The following GLIS3 variants were observed in gnomAD, a reference collection of about 807,000 sequenced individuals.
GLIS3 encodes the protein zinc finger protein GLIS3.
Under a neutral mutation model 78.6 loss-of-function variants are expected in GLIS3, and 53 were observed. The observed-to-expected ratio is 0.67, with a 90% confidence interval of 0.54 to 0.85. The LOEUF (loss-of-function observed/expected upper bound fraction) is 0.85, where lower values mean the gene tolerates loss of function less well. GLIS3 is among the 40% of genes least tolerant of loss of function. The pLI, the probability that GLIS3 is intolerant of heterozygous loss-of-function variation, is 0.00. For synonymous variants in GLIS3, 684 were observed against 509.9 expected (o/e 1.34, Z -4.60); for missense variants, 1,703 against 1,231.1 (o/e 1.38, Z -5.74).
At chr9:3,874,282 A>C (rs868186009) in intron 8 of GLIS3, among the ~76,000 whole-genome samples, 1 of 152,204 alleles carries the variant, frequency 6.6e-6, no homozygotes, top group Admixed American at 6.5e-5. Flanking sequence ...ATAAAAATCC[A>C]AAAGGACTGG....
chr9:4,260,199 G>A (rs767309178), intron 2 of GLIS3, among the ~76,000 whole-genome samples: 5 of 152,202 alleles, frequency 3.3e-5, no homozygotes, highest in African/African-American at 7.2e-5. Context: ...TTGGGAGGCC[G>A]AGGCAGGCGG....
At chr9:4,000,551 G>A (rs1821057563) in intron 4 of GLIS3, among the ~76,000 whole-genome samples, 1 of 151,886 alleles carries the variant, frequency 6.6e-6, no homozygotes, top group South Asian at 2.1e-4. Context: ...ATCTACCAGA[G>A]GGTAGAAAAT....
At chr9:3,967,599 A>G (rs1388064013) in intron 4 of GLIS3, among the ~76,000 whole-genome samples, 1 of 152,216 alleles carries the variant, frequency 6.6e-6, no homozygotes, top group Non-Finnish European at 1.5e-5. Context: ...AGGGGCAGCA[A>G]CACAGGACAC....
chr9:3,949,740 A>C (rs542024508), intron 4 of GLIS3, among the ~76,000 whole-genome samples: 7 of 152,218 alleles, frequency 4.6e-5, no homozygotes, highest in Admixed American at 4.6e-4. Context: ...GAAAAATAAT[A>C]AATCAATGGA....
At chr9:4,280,483 C>T (rs959226874) in intron 2 of GLIS3, among the ~76,000 whole-genome samples, 2 of 152,010 alleles carry the variant, frequency 1.3e-5, no homozygotes, top group African/African-American at 4.8e-5. Context: ...GTTCACCTTA[C>T]TTGAGAGAGA....
the GLIS3 span, among the ~76,000 whole-genome samples, chr9:4,468,854 G>C: frequency 6.6e-6 from 1 of 152,114 alleles, no homozygotes; most frequent in African/African-American, 2.4e-5. Context: ...ATTGGATAAA[G>C]AGTCAAGACC....
chr9:4,405,737 T>C, the GLIS3 span, among the ~76,000 whole-genome samples: 1 of 152,010 alleles, frequency 6.6e-6, no homozygotes, highest in African/African-American at 2.4e-5. Flanking sequence ...AGTATTACCC[T>C]GATACCAAAA....
chr9:4,034,161 CAA>C (rs1222554399), intron 4 of GLIS3, among the ~76,000 whole-genome samples: 1 of 151,946 alleles, frequency 6.6e-6, no homozygotes, highest in Non-Finnish European at 1.5e-5. Context: ...CCCAGGAGGT[CAA>C]GTCTCAGTGA....
chr9:3,891,648 G>A (rs1822458174), intron 7 of GLIS3, among the ~76,000 whole-genome samples: 1 of 152,200 alleles, frequency 6.6e-6, no homozygotes, highest in Non-Finnish European at 1.5e-5. Context: ...GTTACAGTGA[G>A]CTATGATCAT....
intron 2 of GLIS3, among the ~76,000 whole-genome samples, chr9:4,229,399 T>C (rs1241808339): frequency 1.3e-5 from 2 of 152,256 alleles, no homozygotes; most frequent in Non-Finnish European, 2.9e-5. Context: ...TGTCTAACTT[T>C]GGTTGGTTAG....
At chr9:4,446,729 G>A in the GLIS3 span, among the ~76,000 whole-genome samples, 1 of 150,836 alleles carries the variant, frequency 6.6e-6, no homozygotes, top group South Asian at 2.1e-4. Context: ...TGGCCAGACT[G>A]GTCTCAAACT....
At chr9:3,832,934 A>T (rs1334304244) in intron 9 of GLIS3, among the ~76,000 whole-genome samples, 1 of 152,164 alleles carries the variant, frequency 6.6e-6, no homozygotes, top group Non-Finnish European at 1.5e-5. Flanking sequence ...AAACCAATTT[A>T]TTCACCCTTT....
At chr9:4,370,060 C>T in the GLIS3 span, among the ~76,000 whole-genome samples, 5 of 151,724 alleles carry the variant, frequency 3.3e-5, no homozygotes, top group Non-Finnish European at 5.9e-5. Context: ...GGCCTGGTGG[C>T]GCATGCCTGT....
intron 4 of GLIS3, among the ~76,000 whole-genome samples, chr9:4,091,261 G>T (rs1490528339): frequency 6.6e-6 from 1 of 151,992 alleles, no homozygotes; most frequent in Non-Finnish European, 1.5e-5. Context: ...CAGCTACTTG[G>T]GGGTCTGAGG....
At chr9:4,475,314 G>A in the GLIS3 span, among the ~76,000 whole-genome samples, 3 of 152,196 alleles carry the variant, frequency 2.0e-5, no homozygotes, top group African/African-American at 4.8e-5. Context: ...CTTCACAGAA[G>A]AGGAGCTATC....
chr9:4,332,970 C>T (rs1817707363), intron 2 of GLIS3, among the ~76,000 whole-genome samples: 1 of 152,226 alleles, frequency 6.6e-6, no homozygotes, highest in South Asian at 2.1e-4. Flanking sequence ...TTAACGTTTT[C>T]AGCTCCCTAA....
chr9:4,447,605 G>A, the GLIS3 span, among the ~76,000 whole-genome samples: 1 of 152,264 alleles, frequency 6.6e-6, no homozygotes, highest in African/African-American at 2.4e-5. Flanking sequence ...TTCTTGCTTA[G>A]AAGTGACCAC....
At chr9:4,408,429 T>TTAAAAAAA in the GLIS3 span, among the ~76,000 whole-genome samples, 1 of 134,210 alleles carries the variant, frequency 7.5e-6, no homozygotes, top group Non-Finnish European at 1.6e-5. Flanking sequence ...TAATGGATAT[T>TTAAAAAAA]AAAAAAAAAA....
intron 8 of GLIS3, among the ~76,000 whole-genome samples, chr9:3,871,429 G>A (rs1053413957): frequency 2.6e-5 from 4 of 152,212 alleles, no homozygotes; most frequent in African/African-American, 9.6e-5. Context: ...CATTGCTCTA[G>A]TAGAGGTTCT....
Sources: gnomAD v4.1 joint callset for allele counts (sites outside exome capture counted in the v4.1 genomes callset) on GRCh38, gnomAD v4.1.1 for gene constraint, MANE v1.5 for transcripts, NCBI Gene and HGNC (gene_info 2026-07-23, HGNC 2026-07-21) for gene names.